Variants in GNAQ observed in about 807,000 individuals in gnomAD.
The protein encoded by GNAQ is G protein subunit alpha q, also known as guanine nucleotide-binding protein G(q) subunit alpha.
In GNAQ, 8 loss-of-function variants were observed where a neutral mutation model predicts 43.9. That is an observed-to-expected ratio of 0.18 (90% CI 0.11 to 0.33). GNAQ has a LOEUF of 0.33. Ranked by LOEUF, GNAQ falls within the 10% of genes least tolerant of loss-of-function variation. GNAQ has a pLI of 1.00. For synonymous variants in GNAQ, 155 were observed against 170.7 expected (o/e 0.91, Z 0.71); for missense variants, 158 against 450.8 (o/e 0.35, Z 5.88).
chr9:77,844,390 A>C (rs1013988637), intron 2 of GNAQ, among the ~76,000 whole-genome samples: 1 of 152,160 alleles, frequency 6.6e-6, no homozygotes, highest in African/African-American at 2.4e-5. Context: ...TGAAAAATCC[A>C]TTATATTGGC....
chr9:77,864,204 A>G (rs943657452), intron 2 of GNAQ, among the ~76,000 whole-genome samples: 4 of 148,158 alleles, frequency 2.7e-5, no homozygotes, highest in African/African-American at 1.0e-4. Context: ...TAGTTCTCTC[A>G]GGGACTAACA....
intron 1 of GNAQ, among the ~76,000 whole-genome samples, chr9:78,005,596 G>A (rs184678504): frequency 1.9e-4 from 29 of 152,306 alleles, no homozygotes; most frequent in African/African-American, 7.0e-4. Flanking sequence ...AATCACATCA[G>A]TGTGCATCTG....
At chr9:77,726,015 A>AGTGT (rs142955619) in intron 6 of GNAQ, among the ~76,000 whole-genome samples, 13,571 of 150,722 alleles carry the variant, frequency 0.09, 832 homozygotes, top group South Asian at 0.18. Context: ...AAGAACCTCG[A>AGTGT]GTGTGTGTGT....
rs531271781 is a variant in GNAQ, at chr9:77,767,493, T to C, written c.735+26970A>G. On this transcript the variant is annotated intron_variant, in intron 5 of 6. Transcript: ENST00000286548. ...CTAGCTACTCTTGTCAAGGAGCTTA[T>C]AATCTCACTAAGGCACTCAGATCTA... Among the ~76,000 whole-genome samples the C allele has an allele frequency of 1.8e-4, 21 of 115,350 alleles. No individual in the cohort carries two copies. The East Asian group carries it at 3.7e-3, about 20-fold the overall frequency. 75.7% of individuals were successfully genotyped at this position (115,350 alleles called of 152,430 possible). A position where few individuals can be genotyped will look rare whatever the true frequency, so the allele number is the denominator to read the frequency against.
At chr9:77,768,600 G>C (rs571753110) in intron 5 of GNAQ, among the ~76,000 whole-genome samples, 1 of 152,142 alleles carries the variant, frequency 6.6e-6, no homozygotes, top group South Asian at 2.1e-4. Flanking sequence ...TAACTTTAAC[G>C]GCAAGCAGAA....
chr9:77,943,869 G>C (rs767134795), intron 1 of GNAQ, among the ~76,000 whole-genome samples: 1 of 151,936 alleles, frequency 6.6e-6, no homozygotes, highest in Non-Finnish European at 1.5e-5. Context: ...GTTTTGCCAT[G>C]ATGGCCAGGC....
At chr9:77,831,172 C>A (rs1487881099) in intron 2 of GNAQ, among the ~76,000 whole-genome samples, 1 of 152,108 alleles carries the variant, frequency 6.6e-6, no homozygotes, top group African/African-American at 2.4e-5. Context: ...GTGACTTAAG[C>A]AGAACTTACT....
At chr9:77,932,624 A>C (rs1042469352) in intron 1 of GNAQ, among the ~76,000 whole-genome samples, 26 of 152,198 alleles carry the variant, frequency 1.7e-4, no homozygotes, top group Non-Finnish European at 3.1e-4. Context: ...CAGGTACAAG[A>C]GGGTCAGTGT....
intron 1 of GNAQ, among the ~76,000 whole-genome samples, chr9:77,932,757 T>C (rs901687769): frequency 6.6e-6 from 1 of 152,172 alleles, no homozygotes; most frequent in East Asian, 1.9e-4. Flanking sequence ...TTATTCTAAG[T>C]GCACTGGACA....
intron 1 of GNAQ, chr9:78,030,521 T>C (rs909369612): frequency 3.4e-5 from 16 of 470,764 alleles, no homozygotes; most frequent in Non-Finnish European, 5.7e-5. Context: ...TCACCATGAG[T>C]GCTCCGGGAA....
intron 1 of GNAQ, among the ~76,000 whole-genome samples, chr9:77,923,473 G>A (rs2118281774): frequency 6.6e-6 from 1 of 152,180 alleles, no homozygotes; most frequent in South Asian, 2.1e-4. Flanking sequence ...AGAAAAATGG[G>A]ATCACTTCAC....
At chr9:77,965,907 T>C (rs930425450) in intron 1 of GNAQ, among the ~76,000 whole-genome samples, 3 of 151,256 alleles carry the variant, frequency 2.0e-5, no homozygotes, top group African/African-American at 2.4e-5. Flanking sequence ...GCTTTATTTG[T>C]CGTAGCCAAA....
In GNAQ at chr9:77,719,083, C is replaced by T. The variant is rs1304199972; in HGVS notation, c.*2240G>A. The T allele has an allele frequency of 8.7e-6, 2 of 230,622 alleles. No individual in the cohort carries two copies. The highest frequency in any genetic ancestry group is 1.7e-5 in the Non-Finnish European group (2 of 117,212). 14.3% of individuals were successfully genotyped at this position (230,622 alleles called of 1,614,324 possible). A position where few individuals can be genotyped will look rare whatever the true frequency, so the allele number is the denominator to read the frequency against. Reference sequence around the variant, plus strand: ...GGAATGTGCAAATGATTTTATACAGCACGACGCTAGTACCGCTCTGTATGA... The same window carrying T: ...GGAATGTGCAAATGATTTTATACAGTACGACGCTAGTACCGCTCTGTATGA... On this transcript the variant is annotated 3_prime_UTR_variant, in exon 7 of 7. Coordinates refer to ENST00000286548, the MANE Select transcript of GNAQ (RefSeq NM_002072.5).
At chr9:77,816,549 C>A (rs1225979711) in intron 2 of GNAQ, among the ~76,000 whole-genome samples, 1 of 152,070 alleles carries the variant, frequency 6.6e-6, no homozygotes, top group Non-Finnish European at 1.5e-5. Flanking sequence ...CCGGAATACA[C>A]GACTGCCTAA....
intron 2 of GNAQ, among the ~76,000 whole-genome samples, chr9:77,913,701 T>G (rs1434131033): frequency 4.6e-5 from 7 of 152,186 alleles, no homozygotes; most frequent in African/African-American, 1.7e-4. Flanking sequence ...CTAACAAAAC[T>G]AATCTACGTT....
intron 5 of GNAQ, among the ~76,000 whole-genome samples, chr9:77,741,408 C>A (rs574380969): frequency 2.0e-5 from 3 of 152,158 alleles, no homozygotes; most frequent in Admixed American, 6.5e-5. Context: ...TAAGGTCTCC[C>A]CCGATAAATC....
intron 5 of GNAQ, among the ~76,000 whole-genome samples, chr9:77,752,684 C>T (rs1825829570): frequency 6.6e-6 from 1 of 152,178 alleles, no homozygotes; most frequent in East Asian, 1.9e-4. Context: ...GTTATTACAC[C>T]TCAACACTGA....
chr9:77,832,181 C>T (rs1827308960), intron 2 of GNAQ, among the ~76,000 whole-genome samples: 1 of 151,630 alleles, frequency 6.6e-6, no homozygotes, highest in African/African-American at 2.4e-5. Flanking sequence ...CTGGAAATGA[C>T]TTGCTCCCTG....
At chr9:77,783,788 T>C (rs966949192) in intron 5 of GNAQ, among the ~76,000 whole-genome samples, 2 of 152,164 alleles carry the variant, frequency 1.3e-5, no homozygotes, top group African/African-American at 4.8e-5. Flanking sequence ...GAGCCAGATA[T>C]GGTGGCTCAT....
Sources: gnomAD v4.1 joint callset for allele counts (sites outside exome capture counted in the v4.1 genomes callset) on GRCh38, gnomAD v4.1.1 for gene constraint, MANE v1.5 for transcripts, NCBI Gene and HGNC (gene_info 2026-07-23, HGNC 2026-07-21) for gene names.